The following GRM8 variants were observed in gnomAD, a reference collection of about 807,000 sequenced individuals.
GRM8 encodes the protein metabotropic glutamate receptor 8.
In GRM8, 47 loss-of-function variants were observed where a neutral mutation model predicts 87.2. The observed-to-expected ratio is 0.54, with a 90% confidence interval of 0.43 to 0.69. The LOEUF is 0.69. Among genes scored for constraint, GRM8 ranks in the 30% least tolerant of loss-of-function variants. The probability of loss-of-function intolerance (pLI) is 0.00; values close to 1 mark genes in which losing one functional copy is unlikely to be tolerated. For missense variants in GRM8, 1,019 were observed against 1,139.2 expected (o/e 0.89, Z 1.52); for synonymous variants, 396 against 404.5 (o/e 0.98, Z 0.25).
chr7:126,730,942 C>T lies in GRM8; in HGVS notation c.1357+38923G>A, dbSNP rs1468110240. 3.9e-5 allele frequency among the ~76,000 whole-genome samples: 6 copies of T among 152,042 alleles called. No homozygotes were observed. In the South Asian group the frequency reaches 1.2e-3, roughly 32 times the overall value. On this transcript the variant is annotated intron_variant, in intron 7 of 10. Transcript: ENST00000339582. ...TAAATCTGTATAACATCTCTTTTCTCGAATATAATTGTTTGGTAAACATTA... is the reference window on the plus strand; with the variant it reads ...TAAATCTGTATAACATCTCTTTTCTTGAATATAATTGTTTGGTAAACATTA...
intron 7 of GRM8, among the ~76,000 whole-genome samples, chr7:126,666,480 G>A (rs138766076): frequency 9.7e-4 from 147 of 152,048 alleles, no homozygotes; most frequent in Admixed American, 2.1e-3. Flanking sequence ...AAGAAAGAAC[G>A]TTTTTGCTGA....
At chr7:126,781,693 T>C (rs900218830) in intron 6 of GRM8, among the ~76,000 whole-genome samples, 2 of 152,172 alleles carry the variant, frequency 1.3e-5, no homozygotes, top group African/African-American at 4.8e-5. Context: ...TCATCCTATC[T>C]GCTTTTTCTA....
In GRM8 at chr7:126,640,844, G is replaced by A. The variant is rs186525268; in HGVS notation, c.1358-31346C>T. On this transcript the variant is annotated intron_variant, in intron 7 of 10. Coordinates refer to ENST00000339582, the MANE Select transcript of GRM8 (RefSeq NM_000845.3). ...AGGTGGGAAAGCTCATGAGAAGAGC[G>A]TCCCTATCTGAATTATATTTTGCTA... Among the ~76,000 whole-genome samples, 208 of 152,076 alleles carry A rather than the reference G, an allele frequency of 1.4e-3. 6 individuals are homozygous for A. The highest frequency in any genetic ancestry group is 0.013 in the Admixed American group (197 of 15,264).
chr7:127,031,580 C>T (rs1466111052), intron 3 of GRM8, among the ~76,000 whole-genome samples: 1 of 152,042 alleles, frequency 6.6e-6, no homozygotes, highest in Non-Finnish European at 1.5e-5. Flanking sequence ...TTAAGAAATA[C>T]TCTGTTGAAA....
At chr7:126,539,724 G>A (rs935659650) in intron 8 of GRM8, among the ~76,000 whole-genome samples, 1 of 150,880 alleles carries the variant, frequency 6.6e-6, no homozygotes, top group African/African-American at 2.4e-5. Context: ...TTCAAAAAAT[G>A]ATGCCAAAAT....
At chr7:126,500,225 G>C (rs1255189997) in intron 9 of GRM8, among the ~76,000 whole-genome samples, 1 of 151,618 alleles carries the variant, frequency 6.6e-6, no homozygotes. Context: ...CCCTTTTCCT[G>C]TCCTCTCTCC....
At chr7:127,191,986 T>C (rs1795052780) in intron 2 of GRM8, among the ~76,000 whole-genome samples, 1 of 152,208 alleles carries the variant, frequency 6.6e-6, no homozygotes, top group African/African-American at 2.4e-5. Context: ...TTACAACTCT[T>C]GGTTTTGCAT....
At chr7:127,003,115 G>A (rs1813890064) in intron 3 of GRM8, among the ~76,000 whole-genome samples, 1 of 151,636 alleles carries the variant, frequency 6.6e-6, no homozygotes, top group South Asian at 2.1e-4. Context: ...TGACTGACAG[G>A]CTAGATAACA....
At chr7:126,502,943 T>G (rs1445991890) in intron 9 of GRM8, among the ~76,000 whole-genome samples, 1 of 152,000 alleles carries the variant, frequency 6.6e-6, no homozygotes, top group Non-Finnish European at 1.5e-5. Context: ...GCAAAGACTC[T>G]TCCTGGATGT....
intron 3 of GRM8, among the ~76,000 whole-genome samples, chr7:127,021,909 T>A (rs1321515973): frequency 1.3e-5 from 2 of 152,110 alleles, no homozygotes; most frequent in African/African-American, 4.8e-5. Flanking sequence ...GAGGATTTTT[T>A]AACAATTTTG....
chr7:126,883,624 T>C (rs2131013571), intron 6 of GRM8, among the ~76,000 whole-genome samples: 1 of 152,320 alleles, frequency 6.6e-6, no homozygotes, highest in East Asian at 1.9e-4. Context: ...TGCAGACCTA[T>C]GTTCTCATGA....
intron 6 of GRM8, among the ~76,000 whole-genome samples, chr7:126,847,496 T>C (rs1796811054): frequency 6.6e-6 from 1 of 152,158 alleles, no homozygotes; most frequent in Admixed American, 6.5e-5. Context: ...CCACTCAGCA[T>C]CCACTGATGC....
intron 7 of GRM8, among the ~76,000 whole-genome samples, chr7:126,612,742 T>C (rs771509588): frequency 1.3e-5 from 2 of 152,202 alleles, no homozygotes; most frequent in Non-Finnish European, 2.9e-5. Context: ...CAGTGTTCAG[T>C]ACTGAGCAAG....
intron 2 of GRM8, among the ~76,000 whole-genome samples, chr7:127,210,125 T>A (rs1245187819): frequency 6.6e-6 from 1 of 152,202 alleles, no homozygotes; most frequent in Non-Finnish European, 1.5e-5. Context: ...ATAGGCAGAA[T>A]TCTTTTCCCT....
At chr7:126,499,211 T>A (rs1343504125) in intron 9 of GRM8, among the ~76,000 whole-genome samples, 1 of 151,242 alleles carries the variant, frequency 6.6e-6, no homozygotes, top group African/African-American at 2.4e-5. Flanking sequence ...TTTTTTTTTT[T>A]ATTTTCTTAA....
chr7:126,755,613 A>G (rs1375089715), intron 7 of GRM8, among the ~76,000 whole-genome samples: 1 of 151,962 alleles, frequency 6.6e-6, no homozygotes, highest in Non-Finnish European at 1.5e-5. Flanking sequence ...CTAAGTGAAG[A>G]AAAGCAAATG....
intron 9 of GRM8, among the ~76,000 whole-genome samples, chr7:126,479,271 A>G (rs1490257017): frequency 6.6e-6 from 1 of 152,084 alleles, no homozygotes; most frequent in South Asian, 2.1e-4. Flanking sequence ...TATCCACTTA[A>G]AGTACACAAT....
intron 3 of GRM8, among the ~76,000 whole-genome samples, chr7:126,933,142 A>C (rs1805938404): frequency 6.6e-6 from 1 of 152,232 alleles, no homozygotes; most frequent in African/African-American, 2.4e-5. Context: ...CGCCTTCAGC[A>C]TCACAAACAC....
At chr7:126,555,808 G>T (rs1793076672) in intron 8 of GRM8, among the ~76,000 whole-genome samples, 1 of 152,130 alleles carries the variant, frequency 6.6e-6, no homozygotes, top group South Asian at 2.1e-4. Flanking sequence ...GAATACAAAT[G>T]CTCTCAGATT....
Sources: gnomAD v4.1 joint callset for allele counts (sites outside exome capture counted in the v4.1 genomes callset) on GRCh38, gnomAD v4.1.1 for gene constraint, MANE v1.5 for transcripts, NCBI Gene and HGNC (gene_info 2026-07-23, HGNC 2026-07-21) for gene names.